USP15: variants seen among roughly 807,000 people sequenced by gnomAD.
The protein encoded by USP15 is ubiquitin carboxyl-terminal hydrolase 15.
USP15 carries 18 observed loss-of-function variants against 127.1 expected under a neutral mutation model. The observed-to-expected ratio is 0.14, with a 90% CI of 0.10 to 0.21. The LOEUF is 0.21. USP15 is among the 10% of genes least tolerant of loss of function. The probability of loss-of-function intolerance (pLI) is 1.00; values close to 1 mark genes in which losing one functional copy is unlikely to be tolerated. For synonymous variants in USP15, 364 were observed against 393.7 expected (o/e 0.92, Z 0.89); for missense variants, 805 against 1,159.9 (o/e 0.69, Z 4.44).
chr12:62,302,953 A>G (rs780768670), intron 3 of USP15, 33 bp downstream of exon 3: 5 of 1,581,534 alleles, frequency 3.2e-6, no homozygotes, highest in African/African-American at 1.4e-5. Flanking sequence ...TATAAATATT[A>G]TTTTTCTTGA....
chr12:62,336,873 A>G (rs531234498), intron 6 of USP15, among the ~76,000 whole-genome samples: 1 of 152,368 alleles, frequency 6.6e-6, no homozygotes, highest in African/African-American at 2.4e-5. Flanking sequence ...TTAATACTAC[A>G]TCAAAACTTG....
chr12:62,319,996 G>A (rs991845464), intron 4 of USP15, among the ~76,000 whole-genome samples: 22 of 152,194 alleles, frequency 1.4e-4, no homozygotes, highest in African/African-American at 4.8e-4. Context: ...CAATTTACAT[G>A]GGTGTGTCCA....
chr12:62,341,757 C>T (rs2065654179), intron 6 of USP15, among the ~76,000 whole-genome samples: 1 of 152,208 alleles, frequency 6.6e-6, no homozygotes, highest in Non-Finnish European at 1.5e-5. Flanking sequence ...TGCTGTTAGT[C>T]TGATGGGCTT....
chr12:62,374,296 A>G (rs1450724840), intron 8 of USP15: 5 of 788,704 alleles, frequency 6.3e-6, no homozygotes, highest in Non-Finnish European at 7.7e-6. Context: ...AAGGGTTGTG[A>G]GTGGTATTAC....
intron 1 of USP15, among the ~76,000 whole-genome samples, chr12:62,281,185 G>A (rs912813008): frequency 5.9e-5 from 9 of 152,078 alleles, no homozygotes; most frequent in African/African-American, 2.2e-4. Flanking sequence ...CTATATAAAT[G>A]TATTGAAATA....
In USP15 at chr12:62,404,401, GAC is replaced by G; in HGVS notation, c.*29_*30del. ...TGAAAGTCCTAGAAGCCATAAAAGAGACACTTTCCTGCTGGTGGTATCTATGG... is the reference window on the plus strand; with the variant it reads ...TGAAAGTCCTAGAAGCCATAAAAGAGACTTTCCTGCTGGTGGTATCTATGG... On this transcript the variant is annotated 3_prime_UTR_variant, in exon 22 of 22. Transcript: ENST00000280377. 1 of 1,540,768 alleles carries G rather than the reference GAC, an allele frequency of 6.5e-7. No individual in the cohort carries two copies. Among genetic ancestry groups the G allele is most frequent in the East Asian group, 2.3e-5 (1 of 42,558 alleles).
At chr12:62,325,552 T>C (rs971013494) in intron 5 of USP15, among the ~76,000 whole-genome samples, 1 of 152,120 alleles carries the variant, frequency 6.6e-6, no homozygotes, top group African/African-American at 2.4e-5. Flanking sequence ...ATAGAAAATA[T>C]ATTCTCTAAA....
In USP15 at chr12:62,390,852, A is replaced by G; in HGVS notation, c.1845-12A>G. 1 of 1,588,740 alleles carries G rather than the reference A, an allele frequency of 6.3e-7. No homozygotes were observed. Among genetic ancestry groups the G allele is most frequent in the Non-Finnish European group, 8.6e-7 (1 of 1,162,326 alleles). ...TAGTACTGAACTTGTTTGATTTTTG[A>G]TTTTACTTAAGCCGATATGTCAAAA... is the stretch of plus-strand genomic sequence containing the variant. On this transcript the variant is annotated splice_polypyrimidine_tract_variant and intron_variant, in intron 14 of 21. Coordinates refer to ENST00000280377, the MANE Select transcript of USP15 (RefSeq NM_001252078.2).
intron 5 of USP15, among the ~76,000 whole-genome samples, chr12:62,322,575 A>G (rs1318565089): frequency 1.3e-5 from 2 of 152,074 alleles, no homozygotes; most frequent in African/African-American, 2.4e-5. Flanking sequence ...TCTCTTTACA[A>G]ATTCCTGTAT....
chr12:62,324,973 T>C (rs1273551141), intron 5 of USP15, among the ~76,000 whole-genome samples: 1 of 152,036 alleles, frequency 6.6e-6, no homozygotes. Flanking sequence ...GTATTCAAAT[T>C]TATAATGCCT....
intron 9 of USP15, 117 bp downstream of exon 9, chr12:62,381,780 A>T (rs1470713575): frequency 6.6e-6 from 6 of 915,896 alleles, no homozygotes; most frequent in Non-Finnish European, 9.6e-6. Context: ...CCTCCAAAGG[A>T]ACACAGTACA....
chr12:62,374,838 GA>G lies in USP15; in HGVS notation c.916-6648del, dbSNP rs1479171218. Reference sequence around the variant, plus strand: ...TAGAATTTGTGCATGTGTATATAAAGAAAAGTTATGTGCAATGCATTGCATC... The same window carrying G: ...TAGAATTTGTGCATGTGTATATAAAGAAAGTTATGTGCAATGCATTGCATC... On this transcript the variant is annotated intron_variant, in intron 8 of 21. Coordinates refer to ENST00000280377, the MANE Select transcript of USP15 (RefSeq NM_001252078.2). 3.3e-5 allele frequency among the ~76,000 whole-genome samples: 5 copies of G among 152,162 alleles called. No homozygotes were observed. The East Asian group carries it at 9.6e-4, about 29-fold the overall frequency.
chr12:62,370,882 A>G (rs1459262710), intron 8 of USP15, among the ~76,000 whole-genome samples: 1 of 152,138 alleles, frequency 6.6e-6, no homozygotes, highest in Non-Finnish European at 1.5e-5. Context: ...TATTTCCTAC[A>G]CTTTCTTATA....
In USP15 at chr12:62,414,648, T is replaced by C. The variant is rs1314137777; in HGVS notation, c.*10273T>C. On this transcript the variant is annotated 3_prime_UTR_variant, in exon 22 of 22. Coordinates refer to ENST00000280377, the MANE Select transcript of USP15 (RefSeq NM_001252078.2). ...CACAGCACCTGGCCATGTATTTTCA[T>C]TTAACCAGTACTAAATAACTACATG... is the stretch of plus-strand genomic sequence containing the variant. 6.6e-6 allele frequency: 1 copy of C among 152,190 alleles called. No homozygotes were observed. Among genetic ancestry groups the C allele is most frequent in the East Asian group, 1.9e-4 (1 of 5,180 alleles). 9.4% of individuals were successfully genotyped at this position (152,190 alleles called of 1,614,324 possible). A position where few individuals can be genotyped will look rare whatever the true frequency, so the allele number is the denominator to read the frequency against.
chr12:62,266,337 C>T (rs889899981), intron 1 of USP15, among the ~76,000 whole-genome samples: 10 of 152,096 alleles, frequency 6.6e-5, no homozygotes, highest in Admixed American at 3.9e-4. Context: ...CAAATACATA[C>T]GGCTTTCTTC....
At chr12:62,385,939 C>G (rs1162090891) in intron 11 of USP15, among the ~76,000 whole-genome samples, 1 of 151,922 alleles carries the variant, frequency 6.6e-6, no homozygotes, top group African/African-American at 2.4e-5. Context: ...TTCTCCCATG[C>G]CAATAATATA....
chr12:62,403,571 T>C (rs189715387), intron 21 of USP15, among the ~76,000 whole-genome samples: 1 of 152,158 alleles, frequency 6.6e-6, no homozygotes, highest in East Asian at 1.9e-4. Flanking sequence ...GAAGTGTGCA[T>C]GAGAGTGAAT....
intron 1 of USP15, among the ~76,000 whole-genome samples, chr12:62,289,180 G>A (rs1174270038): frequency 6.6e-6 from 1 of 151,988 alleles, no homozygotes; most frequent in Non-Finnish European, 1.5e-5. Context: ...TTGTATGTCT[G>A]GTAGTATTCA....
intron 11 of USP15, among the ~76,000 whole-genome samples, chr12:62,386,577 G>T (rs1293971871): frequency 6.6e-6 from 1 of 151,946 alleles, no homozygotes; most frequent in African/African-American, 2.4e-5. Flanking sequence ...AGAAATAAAA[G>T]CATTATAGGC....
Sources: gnomAD v4.1 joint callset for allele counts (sites outside exome capture counted in the v4.1 genomes callset) on GRCh38, gnomAD v4.1.1 for gene constraint, MANE v1.5 for transcripts, NCBI Gene and HGNC (gene_info 2026-07-23, HGNC 2026-07-21) for gene names.